The following PFKFB1 variants were observed in gnomAD, a reference collection of about 807,000 sequenced individuals.
PFKFB1 encodes 6-phosphofructo-2-kinase/fructose-2,6-bisphosphatase 1.
Under a neutral mutation model 46.4 loss-of-function variants are expected in PFKFB1, and 34 were observed. That is an observed-to-expected ratio of 0.73 (90% confidence interval 0.56 to 0.98). The LOEUF (loss-of-function observed/expected upper bound fraction) is 0.98, where lower values mean the gene tolerates loss of function less well. PFKFB1 is among the 50% of genes least tolerant of loss of function. The pLI, the probability that PFKFB1 is intolerant of heterozygous loss-of-function variation, is 0.00. For missense variants in PFKFB1, 393 were observed against 376.3 expected (o/e 1.04, Z -0.37); for synonymous variants, 119 against 133.8 (o/e 0.89, Z 0.76).
intron 1 of PFKFB1, among the ~76,000 whole-genome samples, chrX:54,985,024 A>G (rs12006688): frequency 0.047 from 5,187 of 110,651 alleles, 322 homozygotes; most frequent in African/African-American, 0.16. Flanking sequence ...CATGGAGAGA[A>G]GAAATTCATA....
intron 1 of PFKFB1, among the ~76,000 whole-genome samples, chrX:54,964,591 G>T (rs760348120): frequency 9.0e-5 from 10 of 110,962 alleles, no homozygotes; most frequent in Non-Finnish European, 1.9e-4. Flanking sequence ...TTGTTACCTG[G>T]GTATATTGTG....
At chrX:54,937,839 T>A in intron 10 of PFKFB1, 115 bp from the exon 11 acceptor site, 5 of 652,633 alleles carry the variant, frequency 7.7e-6, no homozygotes, top group Middle Eastern at 5.0e-4. Context: ...GTTCAATTGT[T>A]GACCCACCAG....
At chrX:54,962,602 T>G in intron 2 of PFKFB1, among the ~76,000 whole-genome samples, 1 of 110,482 alleles carries the variant, frequency 9.1e-6, no homozygotes, top group African/African-American at 3.3e-5. Flanking sequence ...GAAACAAAAA[T>G]TGGGGAGAGG....
At chrX:54,997,766 T>G (rs759902896), upstream of PFKFB1, among the ~76,000 whole-genome samples, 3 of 112,063 alleles carry the variant, frequency 2.7e-5, no homozygotes, top group Non-Finnish European at 3.8e-5. Flanking sequence ...ATTTTCGGCC[T>G]CATGCCTGGG....
At chrX:54,953,780 C>T (rs766983370) in intron 7 of PFKFB1, among the ~76,000 whole-genome samples, 4 of 111,976 alleles carry the variant, frequency 3.6e-5, no homozygotes, top group Admixed American at 1.9e-4. Flanking sequence ...ACTTTATGGT[C>T]CCATGCCCAT....
At chrX:54,997,939 G>A, upstream of PFKFB1, among the ~76,000 whole-genome samples, 2 of 112,416 alleles carry the variant, frequency 1.8e-5, no homozygotes, top group Middle Eastern at 9.3e-3. Flanking sequence ...AAGAGCTTTG[G>A]TTTCTGCCTT....
intron 6 of PFKFB1, among the ~76,000 whole-genome samples, chrX:54,958,073 G>C (rs954572284): frequency 8.9e-6 from 1 of 111,802 alleles, no homozygotes; most frequent in Non-Finnish European, 1.9e-5. Context: ...TGACAGTCAA[G>C]TTTGATATCT....
intron 10 of PFKFB1, among the ~76,000 whole-genome samples, chrX:54,937,971 C>A (rs1363726728): frequency 8.9e-6 from 1 of 111,790 alleles, no homozygotes; most frequent in Middle Eastern, 4.2e-3. Flanking sequence ...ACAATAACAA[C>A]AATACAACTC....
chrX:54,935,924 G>C (rs1408425697), intron 11 of PFKFB1, among the ~76,000 whole-genome samples: 1 of 111,455 alleles, frequency 9.0e-6, no homozygotes, highest in South Asian at 3.8e-4. Context: ...CTCAACAGCA[G>C]GTTCCACCCT....
intron 10 of PFKFB1, among the ~76,000 whole-genome samples, chrX:54,940,069 A>T: frequency 8.9e-6 from 1 of 112,143 alleles, no homozygotes; most frequent in Non-Finnish European, 1.9e-5. Context: ...CATCCCTGGG[A>T]TGCAAGGCTG....
chrX:54,935,166 C>G (rs1321520422), intron 11 of PFKFB1, among the ~76,000 whole-genome samples, 157 bp from the exon 12 acceptor site: 1 of 112,299 alleles, frequency 8.9e-6, no homozygotes, highest in Non-Finnish European at 1.9e-5. Flanking sequence ...AGGGGCAGCA[C>G]TGAGAGCACC....
intron 10 of PFKFB1, among the ~76,000 whole-genome samples, chrX:54,943,224 T>C (rs1933703267): frequency 9.0e-6 from 1 of 111,416 alleles, no homozygotes; most frequent in Non-Finnish European, 1.9e-5. Flanking sequence ...GCAACAATGA[T>C]ACAAAAACCT....
chrX:54,942,988 T>C (rs1933692476), intron 10 of PFKFB1, among the ~76,000 whole-genome samples: 1 of 111,303 alleles, frequency 9.0e-6, no homozygotes, highest in Admixed American at 9.6e-5. Context: ...AAGGAAAAGT[T>C]AGGAGACATG....
intron 10 of PFKFB1, among the ~76,000 whole-genome samples, chrX:54,939,100 C>T (rs181927012): frequency 5.4e-5 from 6 of 111,675 alleles, no homozygotes; most frequent in Admixed American, 2.9e-4. Flanking sequence ...CATGCAAAAC[C>T]GCTCAGCTAC....
intron 1 of PFKFB1, among the ~76,000 whole-genome samples, chrX:54,990,033 G>T (rs942215232): frequency 1.7e-4 from 19 of 111,425 alleles, no homozygotes; most frequent in African/African-American, 6.2e-4. Flanking sequence ...GCCCTGTTTA[G>T]TAGGCCAATT....
intron 1 of PFKFB1, among the ~76,000 whole-genome samples, chrX:54,980,562 A>C (rs1934957214): frequency 9.0e-6 from 1 of 110,637 alleles, no homozygotes; most frequent in Admixed American, 9.7e-5. Context: ...GGTGAAGAAG[A>C]AGCACCTAAC....
chrX:54,969,847 C>T (rs988799163), intron 1 of PFKFB1, among the ~76,000 whole-genome samples: 1 of 111,890 alleles, frequency 8.9e-6, no homozygotes, highest in Non-Finnish European at 1.9e-5. Context: ...AGAAATAAAT[C>T]TGTCCCTGTT....
At chrX:54,984,382 T>A (rs1473162552) in intron 1 of PFKFB1, among the ~76,000 whole-genome samples, 1 of 112,047 alleles carries the variant, frequency 8.9e-6, no homozygotes, top group East Asian at 2.8e-4. Context: ...AAGACAATCT[T>A]GAGACTTTCA....
intron 10 of PFKFB1, among the ~76,000 whole-genome samples, chrX:54,942,232 G>A (rs1337119974): frequency 4.5e-5 from 5 of 110,440 alleles, no homozygotes; most frequent in East Asian, 2.8e-4. Context: ...ATCACACCCC[G>A]GGGCCTGTTG....
Sources: gnomAD v4.1 joint callset for allele counts (sites outside exome capture counted in the v4.1 genomes callset) on GRCh38, gnomAD v4.1.1 for gene constraint, MANE v1.5 for transcripts, NCBI Gene and HGNC (gene_info 2026-07-23, HGNC 2026-07-21) for gene names.